Variants in CNTNAP2 observed in about 807,000 individuals in gnomAD.
CNTNAP2 encodes the protein contactin associated protein 2.
CNTNAP2 carries 98 observed loss-of-function variants against 155.2 expected under a neutral mutation model. That is an observed-to-expected ratio of 0.63 (90% confidence interval 0.54 to 0.75). The LOEUF is 0.75. Ranked by LOEUF, CNTNAP2 falls within the 30% of genes least tolerant of loss-of-function variation. The probability of loss-of-function intolerance (pLI) is 0.00; values close to 1 mark genes in which losing one functional copy is unlikely to be tolerated. For synonymous variants in CNTNAP2, 651 were observed against 631.2 expected, an observed-to-expected ratio of 1.03 and a Z score of -0.47; for missense variants, 1,727 against 1,688.1, an observed-to-expected ratio of 1.02 and a Z score of -0.40.
At chr7:146,983,639 AG>A (rs1324763809) in intron 3 of CNTNAP2, among the ~76,000 whole-genome samples, 2 of 152,182 alleles carry the variant, frequency 1.3e-5, no homozygotes, top group Non-Finnish European at 2.9e-5. Flanking sequence ...ACCCATAGTA[AG>A]CATGAGGGCT....
chr7:147,400,456 G>A (rs1796893748), intron 10 of CNTNAP2, among the ~76,000 whole-genome samples: 1 of 152,132 alleles, frequency 6.6e-6, no homozygotes, highest in African/African-American at 2.4e-5. Context: ...ACATGGTTAG[G>A]AAGAAGCTGA....
chr7:146,348,615 T>G (rs1405729560), intron 1 of CNTNAP2, among the ~76,000 whole-genome samples: 1 of 152,076 alleles, frequency 6.6e-6, no homozygotes, highest in Non-Finnish European at 1.5e-5. Flanking sequence ...ATTTATGCTG[T>G]TAAGTGTCAT....
intron 1 of CNTNAP2, among the ~76,000 whole-genome samples, chr7:146,362,032 T>C (rs886092684): frequency 6.6e-6 from 1 of 152,172 alleles, no homozygotes; most frequent in African/African-American, 2.4e-5. Context: ...GCAGAAAACT[T>C]TTACTCTCGC....
intron 1 of CNTNAP2, among the ~76,000 whole-genome samples, chr7:146,556,983 C>T (rs757938382): frequency 3.9e-5 from 6 of 151,978 alleles, no homozygotes; most frequent in African/African-American, 9.7e-5. Flanking sequence ...GAGAAATAAC[C>T]CTTTTAAAGT....
At chr7:147,246,677 C>T (rs562400046) in intron 8 of CNTNAP2, among the ~76,000 whole-genome samples, 48 of 152,194 alleles carry the variant, frequency 3.2e-4, no homozygotes, top group African/African-American at 9.2e-4. Flanking sequence ...TTTAGAGGTA[C>T]GCAAACATTC....
At chr7:147,805,648 T>TCTC (rs1453485200) in intron 13 of CNTNAP2, among the ~76,000 whole-genome samples, 2 of 152,218 alleles carry the variant, frequency 1.3e-5, no homozygotes, top group Non-Finnish European at 2.9e-5. Context: ...ATGCTGGGTT[T>TCTC]TATCAAATGC....
chr7:146,851,355 A>C (rs1446573825), intron 3 of CNTNAP2, among the ~76,000 whole-genome samples: 1 of 152,290 alleles, frequency 6.6e-6, no homozygotes, highest in East Asian at 1.9e-4. Context: ...TAAAAGTTAG[A>C]AGATCTTGGT....
At chr7:146,787,380 G>A (rs1201801020) in intron 2 of CNTNAP2, among the ~76,000 whole-genome samples, 2 of 152,164 alleles carry the variant, frequency 1.3e-5, no homozygotes, top group African/African-American at 2.4e-5. Flanking sequence ...TCCTTCAGAC[G>A]TCCAGATGTG....
At chr7:147,087,176 C>A (rs1202774782) in intron 4 of CNTNAP2, among the ~76,000 whole-genome samples, 1 of 152,152 alleles carries the variant, frequency 6.6e-6, no homozygotes, top group Non-Finnish European at 1.5e-5. Context: ...GCATTTATTT[C>A]CCTTTGAGTT....
Position 147,752,503 on chromosome 7 carries a change from G to A in CNTNAP2, c.2098+113197G>A, listed in dbSNP as rs139461435. Among the ~76,000 whole-genome samples, 269 of 152,288 alleles carry A rather than the reference G, an allele frequency of 1.8e-3. 1 individual carries two copies. Among genetic ancestry groups the A allele is most frequent in the South Asian group, 3.1e-3 (15 of 4,824 alleles). ...TTCAACCAGGAGCCTGGTCAATACG[G>A]TGAGCTCCTGTGTGTGTACAGGAAG... On this transcript the variant is annotated intron_variant, in intron 13 of 23. Coordinates refer to ENST00000361727, the MANE Select transcript of CNTNAP2 (RefSeq NM_014141.6).
chr7:146,966,577 G>A (rs939171477), intron 3 of CNTNAP2, among the ~76,000 whole-genome samples: 1 of 152,134 alleles, frequency 6.6e-6, no homozygotes, highest in Non-Finnish European at 1.5e-5. Context: ...TACTATTGAG[G>A]GTTTCATCCC....
chr7:147,304,792 A>C (rs1292822871), intron 9 of CNTNAP2, among the ~76,000 whole-genome samples: 2 of 152,172 alleles, frequency 1.3e-5, no homozygotes, highest in Admixed American at 6.5e-5. Context: ...CTGCTATAAG[A>C]GAATACTATA....
At position 147,268,499 on chromosome 7, in the gene CNTNAP2, C is replaced by T. The variant is rs536887425; in HGVS notation, c.1349-31642C>T. ...ACACAGGGAGGGGAACATCATACAC[C>T]GGGGCCTGTTGCAGGGTGTGGGGTA... is the stretch of plus-strand genomic sequence containing the variant. On this transcript the variant is annotated intron_variant, in intron 8 of 23. Coordinates refer to ENST00000361727, the MANE Select transcript of CNTNAP2 (RefSeq NM_014141.6). Among the ~76,000 whole-genome samples the T allele has an allele frequency of 7.5e-4, 114 of 152,084 alleles. 1 individual carries two copies. The highest frequency in any genetic ancestry group is 5.8e-3 in the Admixed American group (89 of 15,284).
At chr7:146,699,899 C>T (rs11973756) in intron 1 of CNTNAP2, among the ~76,000 whole-genome samples, 9,020 of 152,124 alleles carry the variant, frequency 0.059, 403 homozygotes, top group African/African-American at 0.12. Flanking sequence ...ACCTGGGAAG[C>T]GGAGGCTGCA....
At chr7:146,395,779 T>TGATAGATAGATAGATAGATAGATA (rs1554427700) in intron 1 of CNTNAP2, among the ~76,000 whole-genome samples, 1 of 122,024 alleles carries the variant, frequency 8.2e-6, no homozygotes, top group Admixed American at 7.9e-5. Flanking sequence ...GATAGACAGA[T>TGATAGATAGATAGATAGATAGATA]GATAGATAGA....
At chr7:146,732,772 A>AAT (rs1801548326) in intron 1 of CNTNAP2, among the ~76,000 whole-genome samples, 1 of 152,122 alleles carries the variant, frequency 6.6e-6, no homozygotes, top group Non-Finnish European at 1.5e-5. Flanking sequence ...TATTTTCTAT[A>AAT]ACCTGCACAC....
chr7:147,522,085 T>C (rs1445758171), intron 11 of CNTNAP2, among the ~76,000 whole-genome samples: 2 of 152,168 alleles, frequency 1.3e-5, no homozygotes, highest in African/African-American at 2.4e-5. Flanking sequence ...CTCTCACAAG[T>C]GTGCTCATGT....
At chr7:146,742,550 A>G (rs1801737542) in intron 1 of CNTNAP2, among the ~76,000 whole-genome samples, 1 of 152,204 alleles carries the variant, frequency 6.6e-6, no homozygotes, top group African/African-American at 2.4e-5. Context: ...AGAGATTAGC[A>G]TGGGGTTGTC....
chr7:146,696,262 G>A (rs927634392), intron 1 of CNTNAP2, among the ~76,000 whole-genome samples: 13 of 152,094 alleles, frequency 8.5e-5, no homozygotes, highest in East Asian at 1.9e-4. Flanking sequence ...TTTATATTGC[G>A]CCTTCTGTGG....
Sources: allele counts gnomAD v4.1 joint callset (sites outside exome capture counted in the v4.1 genomes callset), GRCh38; gene constraint gnomAD v4.1.1; transcripts MANE v1.5; gene names NCBI Gene and HGNC (gene_info 2026-07-23, HGNC 2026-07-21).